LRP1B: variants seen among roughly 807,000 people sequenced by gnomAD.
The protein encoded by LRP1B is low-density lipoprotein receptor-related protein 1B.
In LRP1B, 217 loss-of-function variants were observed where a neutral mutation model predicts 556.6. The ratio of observed to expected loss-of-function variants is 0.39; its 90% CI spans 0.35 to 0.44. LRP1B has a LOEUF of 0.44. LRP1B is among the 20% of genes least tolerant of loss of function. The pLI is 1.00. For missense variants in LRP1B, 5,053 were observed against 5,620.8 expected, an observed-to-expected ratio of 0.90 and a Z score of 3.23; for synonymous variants, 2,047 against 1,865.8, an observed-to-expected ratio of 1.10 and a Z score of -2.50.
chr2:141,542,657 G>C (rs1333674590), intron 2 of LRP1B, among the ~76,000 whole-genome samples: 1 of 152,090 alleles, frequency 6.6e-6, no homozygotes, highest in Non-Finnish European at 1.5e-5. Context: ...ATATAATACT[G>C]TTAATCATGT....
chr2:141,732,174 C>A (rs1558835706), intron 2 of LRP1B, among the ~76,000 whole-genome samples: 1 of 152,112 alleles, frequency 6.6e-6, no homozygotes, highest in Non-Finnish European at 1.5e-5. Context: ...TTTATTCTTT[C>A]TGCTAACCCT....
chr2:140,569,126 A>C (rs939517423), intron 43 of LRP1B, among the ~76,000 whole-genome samples: 1 of 152,052 alleles, frequency 6.6e-6, no homozygotes, highest in African/African-American at 2.4e-5. Context: ...CAACAAAAAA[A>C]CCACAATGAT....
intron 16 of LRP1B, 112 bp from the exon 17 acceptor site, chr2:140,989,769 T>G (rs974144889): frequency 1.9e-5 from 19 of 976,844 alleles, no homozygotes; most frequent in Non-Finnish European, 2.9e-5. Context: ...ACAATAAATG[T>G]CATAGAGTCT....
At chr2:140,483,640 A>ATTTTTTT (rs1178469364) in intron 59 of LRP1B, among the ~76,000 whole-genome samples, 2 of 70,748 alleles carry the variant, frequency 2.8e-5, no homozygotes, top group African/African-American at 1.3e-4. Flanking sequence ...ATATATATAT[A>ATTTTTTT]TTTTTTTTTT....
chr2:142,104,141 C>A (rs1045518628), intron 1 of LRP1B, among the ~76,000 whole-genome samples: 2 of 152,040 alleles, frequency 1.3e-5, no homozygotes, highest in Non-Finnish European at 1.5e-5. Context: ...CTTAGTGGTG[C>A]GGAAGAGGGA....
chr2:141,789,193 A>T (rs1257895799), intron 2 of LRP1B, among the ~76,000 whole-genome samples: 1 of 151,932 alleles, frequency 6.6e-6, no homozygotes, highest in Non-Finnish European at 1.5e-5. Flanking sequence ...CGGCTTCTGG[A>T]TAAGGATTGA....
At chr2:142,083,039 G>T (rs1705779228) in intron 1 of LRP1B, among the ~76,000 whole-genome samples, 1 of 152,148 alleles carries the variant, frequency 6.6e-6, no homozygotes, top group Admixed American at 6.5e-5. Context: ...AAAAGATTTT[G>T]GGGTGATGAG....
intron 5 of LRP1B, among the ~76,000 whole-genome samples, chr2:141,233,791 TC>T (rs1683557171): frequency 6.6e-6 from 1 of 152,104 alleles, no homozygotes; most frequent in Non-Finnish European, 1.5e-5. Flanking sequence ...TTGGCTAGTT[TC>T]CTTCTAAGTG....
intron 86 of LRP1B, among the ~76,000 whole-genome samples, chr2:140,256,353 T>G (rs1250809828): frequency 6.6e-6 from 1 of 151,672 alleles, no homozygotes; most frequent in Non-Finnish European, 1.5e-5. Context: ...CCTCTTACGT[T>G]TTAACCTTAG....
At chr2:140,631,661 G>A (rs777044319) in intron 41 of LRP1B, among the ~76,000 whole-genome samples, 4 of 152,020 alleles carry the variant, frequency 2.6e-5, no homozygotes, top group South Asian at 2.1e-4. Flanking sequence ...TAAGAATAGC[G>A]ACACAATTTT....
At chr2:141,989,027 A>G (rs570088592) in intron 1 of LRP1B, among the ~76,000 whole-genome samples, 33 of 152,130 alleles carry the variant, frequency 2.2e-4, no homozygotes, top group Admixed American at 5.9e-4. Context: ...AAAATGATAA[A>G]TTTTCATTAT....
intron 7 of LRP1B, among the ~76,000 whole-genome samples, chr2:141,182,819 G>T (rs115681004): frequency 1.3e-5 from 2 of 151,660 alleles, no homozygotes; most frequent in East Asian, 2.0e-4. Flanking sequence ...CTTTTGTTAC[G>T]GGGGGGAGTT....
At chr2:140,796,071 ATCTATG>A (rs1690301332) in intron 32 of LRP1B, among the ~76,000 whole-genome samples, 1 of 151,802 alleles carries the variant, frequency 6.6e-6, no homozygotes, top group Non-Finnish European at 1.5e-5. Context: ...CTATCTATCT[ATCTATG>A]TCTATCTTTC....
At chr2:140,871,763 C>T (rs1021587467) in intron 25 of LRP1B, among the ~76,000 whole-genome samples, 1 of 152,122 alleles carries the variant, frequency 6.6e-6, no homozygotes, top group Non-Finnish European at 1.5e-5. Flanking sequence ...CCCCATGCTG[C>T]AGTTTGATAG....
rs116233847 is a variant in LRP1B, at chr2:140,237,303, A to G, written c.13560+849T>C. On this transcript the variant is annotated intron_variant, in intron 89 of 90. Coordinates refer to ENST00000389484, the MANE Select transcript of LRP1B (RefSeq NM_018557.3). Reference sequence around the variant, plus strand: ...CCTGGATTATTTCATATATGACAATATCATCCAGCTTTATCCATGTTGCCT... The same window carrying G: ...CCTGGATTATTTCATATATGACAATGTCATCCAGCTTTATCCATGTTGCCT... Among the ~76,000 whole-genome samples, 428 of 151,112 alleles carry G rather than the reference A, an allele frequency of 2.8e-3. 3 individuals carry two copies. Among genetic ancestry groups the G allele is most frequent in the African/African-American group, 9.7e-3 (400 of 41,402 alleles).
intron 86 of LRP1B, among the ~76,000 whole-genome samples, chr2:140,257,518 C>T (rs999122842): frequency 6.6e-6 from 1 of 152,106 alleles, no homozygotes; most frequent in East Asian, 1.9e-4. Context: ...ACTTGTACCT[C>T]GAAGCACAAA....
At chr2:140,816,620 T>C (rs1691133354) in intron 31 of LRP1B, among the ~76,000 whole-genome samples, 1 of 152,200 alleles carries the variant, frequency 6.6e-6, no homozygotes, top group Non-Finnish European at 1.5e-5. Context: ...TGTATGCATA[T>C]GATGCATATC....
At chr2:141,931,917 C>T (rs890108569) in intron 1 of LRP1B, among the ~76,000 whole-genome samples, 1 of 151,960 alleles carries the variant, frequency 6.6e-6, no homozygotes, top group African/African-American at 2.4e-5. Flanking sequence ...TGTGTCACTT[C>T]GTAATCTATA....
In LRP1B at chr2:141,822,692, C is replaced by A. The variant is rs1323104521; in HGVS notation, c.83-12291G>T. 1.3e-5 allele frequency among the ~76,000 whole-genome samples: 2 copies of A among 152,078 alleles called. 1 individual carries two copies. Among genetic ancestry groups the A allele is most frequent in the East Asian group, 3.9e-4 (2 of 5,178 alleles). On this transcript the variant is annotated intron_variant, in intron 1 of 90. Transcript: ENST00000389484. The stretch of plus-strand genomic sequence containing the variant: ...TTTTTTATCTCCTTATTATTTTAAT[C>A]TTAAAATATATTTTAAATCATAATT...
Sources: gnomAD v4.1 joint callset for allele counts (sites outside exome capture counted in the v4.1 genomes callset) on GRCh38, gnomAD v4.1.1 for gene constraint, MANE v1.5 for transcripts, NCBI Gene and HGNC (gene_info 2026-07-23, HGNC 2026-07-21) for gene names.